ADHFE1: variants seen among roughly 807,000 people sequenced by gnomAD.
ADHFE1 encodes the protein hydroxyacid-oxoacid transhydrogenase, mitochondrial.
A neutral mutation model predicts 54.8 loss-of-function variants in ADHFE1; 37 were observed. The ratio of observed to expected loss-of-function variants is 0.68; its 90% CI spans 0.52 to 0.89. ADHFE1 has a LOEUF of 0.89. Among genes scored for constraint, ADHFE1 ranks in the 40% least tolerant of loss-of-function variants. ADHFE1 has a pLI of 0.00. For missense variants in ADHFE1, 601 were observed against 591.2 expected (o/e 1.02, Z -0.17); for synonymous variants, 203 against 229.3 (o/e 0.89, Z 1.04).
chr8:66,437,921 G>C (rs1213495089), intron 1 of ADHFE1, among the ~76,000 whole-genome samples: 1 of 152,224 alleles, frequency 6.6e-6, no homozygotes, highest in African/African-American at 2.4e-5. Context: ...AAGAGGCAAG[G>C]AAAGTATGTT....
At chr8:66,448,701 T>A (rs565479740) in intron 7 of ADHFE1, among the ~76,000 whole-genome samples, 164 bp from the exon 8 acceptor site, 10 of 152,358 alleles carry the variant, frequency 6.6e-5, no homozygotes, top group African/African-American at 2.4e-4. Flanking sequence ...AACCCCAGGT[T>A]TCTGACTCTA....
chr8:66,442,461 C>T (rs1022791931), intron 2 of ADHFE1, among the ~76,000 whole-genome samples: 5 of 151,972 alleles, frequency 3.3e-5, no homozygotes, highest in African/African-American at 1.2e-4. Context: ...CAGGCGCTCG[C>T]CACCACACCT....
intron 13 of ADHFE1, among the ~76,000 whole-genome samples, chr8:66,467,267 A>G (rs1488937613): frequency 6.6e-6 from 1 of 152,152 alleles, no homozygotes; most frequent in African/African-American, 2.4e-5. Context: ...AAGGGGAATC[A>G]AGTGTGGCTC....
In ADHFE1 at chr8:66,439,657, G is replaced by A; in HGVS notation, c.60-505G>A. 1 of 985,958 alleles carries A rather than the reference G, an allele frequency of 1.0e-6. No homozygotes were observed. The highest frequency in any genetic ancestry group is 1.7e-5 in the African/African-American group (1 of 57,354). 61.1% of individuals were successfully genotyped at this position (985,958 alleles called of 1,614,324 possible). On this transcript the variant is annotated intron_variant, in intron 1 of 13. Coordinates refer to ENST00000396623, the MANE Select transcript of ADHFE1 (RefSeq NM_144650.3). The surrounding 1 kb of genome is among the most constrained non-coding windows in gnomAD (Gnocchi z 4.4). ...GGACCAGGGAGGTCTTTGGGTCCAG[G>A]AAGTTCTCCTGGAGGCTCAGGTCTA...
chr8:66,449,343 G>C (rs1339416055), intron 8 of ADHFE1, among the ~76,000 whole-genome samples: 1 of 152,132 alleles, frequency 6.6e-6, no homozygotes, highest in Non-Finnish European at 1.5e-5. Context: ...GCATCTCAGG[G>C]ACACACCAGC....
In ADHFE1 at chr8:66,460,325, G is replaced by T; in HGVS notation, c.1180G>T (p.Ala394Ser). 6.2e-7 allele frequency: 1 copy of T among 1,614,184 alleles called. No individual in the cohort carries two copies. ...AEILGADTRT[A>S]RIQDAGLVLA... The stretch of plus-strand genomic sequence containing the variant: ...TCTTCTAGGAGCCGACACCCGCACT[G>T]CCAGGATCCAAGATGCAGGGCTGGT... The change falls in exon 13 of 14, where the codon GCC (alanine) becomes TCC (serine). Residue 394 changes from alanine to serine, a missense_variant. Coordinates refer to ENST00000396623, the MANE Select transcript of ADHFE1 (RefSeq NM_144650.3).
chr8:66,465,155 TATGAATA>T (rs1195868280), intron 13 of ADHFE1, among the ~76,000 whole-genome samples: 1 of 152,228 alleles, frequency 6.6e-6, no homozygotes, highest in Non-Finnish European at 1.5e-5. Flanking sequence ...TTTTGACTAT[TATGAATA>T]ATGCTGCGAT....
intron 2 of ADHFE1, among the ~76,000 whole-genome samples, chr8:66,441,263 G>T (rs1805730221): frequency 6.6e-6 from 1 of 152,118 alleles, no homozygotes; most frequent in Non-Finnish European, 1.5e-5. Context: ...GAGAGACAGG[G>T]TCACCCTCTG....
chr8:66,454,568 A>G (rs961663529), intron 10 of ADHFE1, among the ~76,000 whole-genome samples: 4 of 152,194 alleles, frequency 2.6e-5, no homozygotes, highest in Non-Finnish European at 4.4e-5. Context: ...ATTAGTTTCT[A>G]ATATATTCAC....
intron 7 of ADHFE1, among the ~76,000 whole-genome samples, chr8:66,448,626 A>G (rs1211981043): frequency 6.6e-6 from 1 of 152,204 alleles, no homozygotes; most frequent in Non-Finnish European, 1.5e-5. Context: ...ATCCAGGAGT[A>G]GGAAAGAGAT....
At chr8:66,437,082 A>T (rs2130341081) in intron 1 of ADHFE1, among the ~76,000 whole-genome samples, 1 of 152,304 alleles carries the variant, frequency 6.6e-6, no homozygotes, top group South Asian at 2.1e-4. Context: ...GGGAGAAGAT[A>T]AATCGGAAGA....
At chr8:66,438,694 G>A (rs1252230587) in intron 1 of ADHFE1, among the ~76,000 whole-genome samples, 2 of 152,086 alleles carry the variant, frequency 1.3e-5, no homozygotes, top group African/African-American at 4.8e-5. Flanking sequence ...GGGGGTAGGA[G>A]GTGGAAAAGT....
At chr8:66,447,219 C>T in intron 6 of ADHFE1, 45 bp from the exon 7 acceptor site, 1 of 1,564,352 alleles carries the variant, frequency 6.4e-7, no homozygotes, top group Non-Finnish European at 8.8e-7. Flanking sequence ...TCTCCACTAA[C>T]CTTTATTTAG....
At chr8:66,467,907 G>A (rs2719004) in intron 13 of ADHFE1, among the ~76,000 whole-genome samples, 85,608 of 151,656 alleles carry the variant, frequency 0.56, 25,181 homozygotes, top group African/African-American at 0.72. Context: ...CTTAGACTTC[G>A]GGGACGACCC....
chr8:66,459,964 C>T (rs1414779502), intron 12 of ADHFE1: 8 of 221,146 alleles, frequency 3.6e-5, no homozygotes, highest in African/African-American at 1.6e-4. Context: ...AAATTCCAAG[C>T]CTTGAAATTA....
At chr8:66,452,869 A>G (rs1441317199) in intron 9 of ADHFE1, among the ~76,000 whole-genome samples, 5 of 152,264 alleles carry the variant, frequency 3.3e-5, no homozygotes, top group Admixed American at 2.6e-4. Context: ...ATATTAGGAC[A>G]TACTCAAAGT....
chr8:66,454,349 G>A (rs996446613), intron 10 of ADHFE1, among the ~76,000 whole-genome samples, 192 bp downstream of exon 10: 1 of 151,860 alleles, frequency 6.6e-6, no homozygotes, highest in Admixed American at 6.6e-5. Flanking sequence ...AAACCTAAAT[G>A]TATTCTTAAA....
rs533571994 is a variant in ADHFE1 at position 66,435,601 on chromosome 8, ATTTTTTTTTTTT to A, written c.59+3044_59+3055del. 8.9e-5 allele frequency among the ~76,000 whole-genome samples: 7 copies of A among 78,296 alleles called. 1 individual carries two copies. In the East Asian group the frequency reaches 1.3e-3, roughly 15 times the overall value. 51.4% of individuals were successfully genotyped at this position (78,296 alleles called of 152,430 possible). On this transcript the variant is annotated intron_variant, in intron 1 of 13. Transcript: ENST00000396623. ...TCCAGAATAATCTCCTCATTTCAAG[ATTTTTTTTTTTT>A]TTTTTTTTTTTTTTTTTGAGACAGA...
chr8:66,436,293 A>G (rs564663218), intron 1 of ADHFE1, among the ~76,000 whole-genome samples: 1 of 152,318 alleles, frequency 6.6e-6, no homozygotes, highest in Admixed American at 6.5e-5. Flanking sequence ...TTAGAACCTT[A>G]TCTTCAGGAG....
Sources: allele counts gnomAD v4.1 joint callset (sites outside exome capture counted in the v4.1 genomes callset), GRCh38; gene constraint gnomAD v4.1.1; non-coding constraint Gnocchi (gnomAD v3.1); transcripts MANE v1.5; gene names NCBI Gene and HGNC (gene_info 2026-07-23, HGNC 2026-07-21).